Variants in CADPS2 observed in about 807,000 individuals in gnomAD.
The protein encoded by CADPS2 is calcium dependent secretion activator 2.
CADPS2 carries 93 observed loss-of-function variants against 172.5 expected under a neutral mutation model. The ratio of observed to expected loss-of-function variants is 0.54; its 90% confidence interval spans 0.46 to 0.64. The LOEUF is 0.64. Among genes scored for constraint, CADPS2 ranks in the 30% least tolerant of loss-of-function variants. The pLI is 0.00. For missense variants in CADPS2, 1,420 were observed against 1,565.9 expected, an observed-to-expected ratio of 0.91 and a Z score of 1.57; for synonymous variants, 546 against 555.2, an observed-to-expected ratio of 0.98 and a Z score of 0.23.
intron 1 of CADPS2, among the ~76,000 whole-genome samples, chr7:122,796,657 C>A (rs1039826235): frequency 1.3e-5 from 2 of 152,042 alleles, no homozygotes; most frequent in Admixed American, 1.3e-4. Flanking sequence ...TACTGGCTAC[C>A]CATATGCAGA....
intron 2 of CADPS2, among the ~76,000 whole-genome samples, chr7:122,672,818 CTA>C (rs1221602264): frequency 1.3e-5 from 2 of 152,350 alleles, no homozygotes; most frequent in East Asian, 3.9e-4. Context: ...CGTCGGAAAA[CTA>C]TGACATACCA....
At chr7:122,385,143 T>G (rs1218067181) in intron 24 of CADPS2, among the ~76,000 whole-genome samples, 6 of 152,016 alleles carry the variant, frequency 3.9e-5, no homozygotes, top group South Asian at 4.1e-4. Context: ...TAGGAGCCAC[T>G]GGTATCTAAG....
intron 2 of CADPS2, among the ~76,000 whole-genome samples, chr7:122,688,521 T>G (rs577738458): frequency 6.6e-6 from 1 of 152,296 alleles, no homozygotes; most frequent in South Asian, 2.1e-4. Context: ...ATGGCTTTAT[T>G]CAGAAGCTCT....
At chr7:122,452,779 T>C (rs1399686563) in intron 14 of CADPS2, among the ~76,000 whole-genome samples, 1 of 152,170 alleles carries the variant, frequency 6.6e-6, no homozygotes, top group Non-Finnish European at 1.5e-5. Context: ...AATGGTTATA[T>C]ATAAAATAGG....
intron 2 of CADPS2, among the ~76,000 whole-genome samples, chr7:122,682,468 T>C (rs377455979): frequency 2.1e-4 from 32 of 152,200 alleles, no homozygotes; most frequent in African/African-American, 6.8e-4. Flanking sequence ...AAAGAAAATG[T>C]TTTTCTTGTT....
intron 2 of CADPS2, among the ~76,000 whole-genome samples, chr7:122,673,877 G>A (rs978047678): frequency 6.6e-6 from 1 of 151,818 alleles, no homozygotes; most frequent in African/African-American, 2.4e-5. Flanking sequence ...GGTGCCTGTT[G>A]GGGAGGCTTG....
In CADPS2 at chr7:122,698,307, A is replaced by G. The variant is rs200988359; in HGVS notation, c.454-34738T>C. On this transcript the variant is annotated intron_variant, in intron 2 of 29. Coordinates refer to ENST00000449022, the MANE Select transcript of CADPS2 (RefSeq NM_017954.11). ...GTCTATGAATGTGATAAAAGATGAA[A>G]TATGCTAAGGTAGCAGTTGTGACAA... The G allele has an allele frequency of 8.7e-5, 140 of 1,614,082 alleles. 4 individuals carry two copies. In the South Asian group the frequency reaches 1.5e-3, roughly 17 times the overall value.
chr7:122,647,831 G>A (rs995076600), intron 3 of CADPS2, among the ~76,000 whole-genome samples: 2 of 152,128 alleles, frequency 1.3e-5, no homozygotes, highest in Non-Finnish European at 1.5e-5. Flanking sequence ...CTATGAGCCT[G>A]ACATATAGTG....
chr7:122,823,299 C>T (rs1190088695), intron 1 of CADPS2, among the ~76,000 whole-genome samples: 3 of 152,266 alleles, frequency 2.0e-5, no homozygotes, highest in East Asian at 3.9e-4. Flanking sequence ...CTTCCTTTTG[C>T]CTTGGTTTCC....
At chr7:122,701,907 T>C in intron 2 of CADPS2, 1 of 1,613,618 alleles carries the variant, frequency 6.2e-7, no homozygotes, top group Non-Finnish European at 8.5e-7. Flanking sequence ...ATGCATGCCT[T>C]ATGGAAAAAA....
At chr7:122,543,507 C>A (rs1190661371) in intron 8 of CADPS2, among the ~76,000 whole-genome samples, 1 of 152,010 alleles carries the variant, frequency 6.6e-6, no homozygotes, top group Non-Finnish European at 1.5e-5. Flanking sequence ...TGTTGAATAA[C>A]TGATTTGATG....
At position 122,547,782 on chromosome 7, in the gene CADPS2, G is replaced by A. The variant is rs865945726; in HGVS notation, c.1475+6768C>T. On this transcript the variant is annotated intron_variant, in intron 8 of 29. Transcript: ENST00000449022. ...AGTAGAATTGGAAGCAGAGAGAGAA[G>A]GGTTCTTTGTAGGGTGAACAGGATG... 3.7e-4 allele frequency among the ~76,000 whole-genome samples: 57 copies of A among 152,220 alleles called. 1 individual carries two copies. Among genetic ancestry groups the A allele is most frequent in the Middle Eastern group, 3.4e-3 (1 of 294 alleles).
At chr7:122,862,238 A>G (rs1817125887) in intron 1 of CADPS2, among the ~76,000 whole-genome samples, 1 of 152,180 alleles carries the variant, frequency 6.6e-6, no homozygotes, top group Admixed American at 6.5e-5. Flanking sequence ...CAGACAAAAC[A>G]TCCCAGTCTG....
intron 12 of CADPS2, among the ~76,000 whole-genome samples, chr7:122,479,100 A>G (rs921681374): frequency 1.3e-5 from 2 of 152,172 alleles, no homozygotes; most frequent in African/African-American, 4.8e-5. Context: ...GCCATTTTTT[A>G]GCATTCTGAG....
chr7:122,784,693 C>T (rs1199345490), intron 1 of CADPS2, among the ~76,000 whole-genome samples: 2 of 152,094 alleles, frequency 1.3e-5, no homozygotes, highest in Non-Finnish European at 2.9e-5. Flanking sequence ...CACACTTCAT[C>T]CTTTTCTTAA....
At chr7:122,478,640 A>G (rs958694071) in intron 12 of CADPS2, among the ~76,000 whole-genome samples, 3 of 152,178 alleles carry the variant, frequency 2.0e-5, no homozygotes, top group African/African-American at 7.2e-5. Flanking sequence ...AGAGAAAAGG[A>G]TAAGTAGGCT....
chr7:122,791,025 G>C (rs1403026153), intron 1 of CADPS2, among the ~76,000 whole-genome samples: 1 of 152,176 alleles, frequency 6.6e-6, no homozygotes, highest in Non-Finnish European at 1.5e-5. Flanking sequence ...CATAGAGTAT[G>C]CACAGGCACA....
intron 9 of CADPS2, among the ~76,000 whole-genome samples, chr7:122,497,227 C>A (rs188256890): frequency 3.9e-5 from 6 of 152,140 alleles, no homozygotes; most frequent in African/African-American, 1.4e-4. Flanking sequence ...TTTTAGATCT[C>A]TATGAACAAC....
intron 5 of CADPS2, among the ~76,000 whole-genome samples, chr7:122,617,084 C>T (rs2075008299): frequency 6.6e-6 from 1 of 152,098 alleles, no homozygotes; most frequent in Non-Finnish European, 1.5e-5. Context: ...GTTTAAATAA[C>T]CCAAATGCAA....
Sources: gnomAD v4.1 joint callset for allele counts (sites outside exome capture counted in the v4.1 genomes callset) on GRCh38, gnomAD v4.1.1 for gene constraint, MANE v1.5 for transcripts, NCBI Gene and HGNC (gene_info 2026-07-23, HGNC 2026-07-21) for gene names.